The following GALNT2 variants were observed in gnomAD, a reference collection of about 807,000 sequenced individuals.
GALNT2 encodes the protein UDP-GalNAc:polypeptide N-acetylgalactosaminyltransferase 2.
Under a neutral mutation model 81.4 loss-of-function variants are expected in GALNT2, and 31 were observed. The ratio of observed to expected loss-of-function variants is 0.38; its 90% CI spans 0.29 to 0.51. The LOEUF (loss-of-function observed/expected upper bound fraction) is 0.51. Ranked by LOEUF, GALNT2 falls within the 20% of genes least tolerant of loss-of-function variation. The pLI is 0.87. For missense variants in GALNT2, 629 were observed against 765.7 expected (o/e 0.82, Z 2.11); for synonymous variants, 303 against 287.4 (o/e 1.05, Z -0.55).
intron 3 of GALNT2, among the ~76,000 whole-genome samples, chr1:230,215,364 C>T (rs1664358084): frequency 6.6e-6 from 1 of 152,248 alleles, no homozygotes; most frequent in Admixed American, 6.5e-5. Context: ...AGAATGTTGG[C>T]CTTCCTCTCT....
chr1:230,250,303 G>A (rs377139980), intron 9 of GALNT2, among the ~76,000 whole-genome samples, 154 bp from the exon 10 acceptor site: 4 of 152,342 alleles, frequency 2.6e-5, no homozygotes, highest in Admixed American at 1.3e-4. Flanking sequence ...AGAGTGGCAT[G>A]CTGGGCACTG....
chr1:230,233,639 A>AT (rs923773382), intron 3 of GALNT2, among the ~76,000 whole-genome samples: 43 of 151,682 alleles, frequency 2.8e-4, no homozygotes, highest in East Asian at 1.7e-3. Context: ...CTACAGAATA[A>AT]TTTTTTTTTA....
At chr1:230,087,589 A>G (rs1417320147) in intron 1 of GALNT2, among the ~76,000 whole-genome samples, 1 of 152,204 alleles carries the variant, frequency 6.6e-6, no homozygotes, top group Non-Finnish European at 1.5e-5. Context: ...TTCAGTCAGA[A>G]TGTCTGGCTG....
intron 1 of GALNT2, among the ~76,000 whole-genome samples, chr1:230,127,216 G>A (rs1168638882): frequency 6.6e-6 from 1 of 151,946 alleles, no homozygotes; most frequent in Non-Finnish European, 1.5e-5. Context: ...GCCTGCGCTG[G>A]TGCTGTGTGA....
intron 1 of GALNT2, among the ~76,000 whole-genome samples, chr1:230,144,221 A>G (rs529060422): frequency 6.6e-6 from 1 of 152,280 alleles, no homozygotes; most frequent in South Asian, 2.1e-4. Flanking sequence ...CTCTCCCTGT[A>G]TCTAGAGTGA....
chr1:230,165,622 T>A (rs1662578008), intron 1 of GALNT2, among the ~76,000 whole-genome samples: 1 of 152,248 alleles, frequency 6.6e-6, no homozygotes, highest in Non-Finnish European at 1.5e-5. Context: ...TAGTGAGACA[T>A]CTGCAGCCTG....
At chr1:230,235,169 A>C (rs1380501435) in intron 3 of GALNT2, among the ~76,000 whole-genome samples, 1 of 150,168 alleles carries the variant, frequency 6.7e-6, no homozygotes, top group Non-Finnish European at 1.5e-5. Context: ...AGCTATGAAC[A>C]TGCCACTGCA....
chr1:230,247,165 A>C (rs1665399134), intron 8 of GALNT2, among the ~76,000 whole-genome samples: 1 of 152,132 alleles, frequency 6.6e-6, no homozygotes, highest in Non-Finnish European at 1.5e-5. Flanking sequence ...CTGGGAGGTC[A>C]AGGCTGCAGT....
intron 9 of GALNT2, 126 bp from the exon 10 acceptor site, chr1:230,250,331 G>A: frequency 1.4e-6 from 1 of 712,204 alleles, no homozygotes. Flanking sequence ...AACAGTGGCA[G>A]TGTGGCTGTT....
chr1:230,128,825 TGTGGGGTGCCCC>T (rs1330643003), intron 1 of GALNT2, among the ~76,000 whole-genome samples: 2 of 152,172 alleles, frequency 1.3e-5, no homozygotes, highest in Non-Finnish European at 2.9e-5. Context: ...TCTTCCTATA[TGTGGGGTGCCCC>T]GAGCCCCATC....
At chr1:230,095,781 C>T (rs1660237722) in intron 1 of GALNT2, among the ~76,000 whole-genome samples, 3 of 152,194 alleles carry the variant, frequency 2.0e-5, no homozygotes, top group Admixed American at 2.0e-4. Context: ...ACCTGGGTCC[C>T]CTGGGGCCCA....
At chr1:230,142,150 C>T (rs760490417) in intron 1 of GALNT2, among the ~76,000 whole-genome samples, 1 of 152,044 alleles carries the variant, frequency 6.6e-6, no homozygotes, top group Non-Finnish European at 1.5e-5. Flanking sequence ...GGATTAGGAC[C>T]TCCTGTGGAG....
At chr1:230,136,607 A>G (rs953274593) in intron 1 of GALNT2, among the ~76,000 whole-genome samples, 7 of 151,790 alleles carry the variant, frequency 4.6e-5, no homozygotes, top group African/African-American at 1.5e-4. Context: ...CAGATCACAC[A>G]CTCCGCAGCG....
rs372846843 is a variant in GALNT2 at position 230,255,232 on chromosome 1, G to A, written c.1024G>A (p.Val342Met). The change falls in exon 11 of 16, where the codon GTG becomes ATG. Residue 342 changes from valine (V) to methionine (M), a missense_variant. Physicochemically the swap from Val to Met is conservative, Grantham distance 21 (BLOSUM62 1). Around this residue, in one of 3 missense-constraint regions of GALNT2, gnomAD observed 360 missense variants for 492.8 expected, o/e 0.73. Transcript: ENST00000366672. ...CATCGTCTCAGAGATCTCGTTCCGC[G>A]TGTGGCAGTGTGGTGGCAGCCTGGA... ...GGENLEISFRVWQCGGSLEII... is the reference protein window; with the variant it reads ...GGENLEISFRMWQCGGSLEII... 17 of 1,614,110 alleles carry A rather than the reference G, an allele frequency of 1.1e-5. No homozygotes were observed. Among genetic ancestry groups the A allele is most frequent in the East Asian group, 2.2e-5 (1 of 44,896 alleles).
chr1:230,068,655 TTTC>T (rs1659282180), intron 1 of GALNT2, among the ~76,000 whole-genome samples: 1 of 152,194 alleles, frequency 6.6e-6, no homozygotes, highest in African/African-American at 2.4e-5. Context: ...TCAGAGGTTT[TTTC>T]TTTGCTTCAT....
chr1:230,231,547 C>T (rs1174348762), intron 3 of GALNT2, among the ~76,000 whole-genome samples: 1 of 152,202 alleles, frequency 6.6e-6, no homozygotes, highest in Non-Finnish European at 1.5e-5. Flanking sequence ...TCATCAATGT[C>T]TTGATCAAGC....
At chr1:230,274,372 C>G in intron 14 of GALNT2, 73 bp from the exon 15 acceptor site, 1 of 1,560,988 alleles carries the variant, frequency 6.4e-7, no homozygotes, top group African/African-American at 1.4e-5. Flanking sequence ...TTTTTGAGCC[C>G]TCATCGATGC....
At chr1:230,143,792 C>T (rs1051404262) in intron 1 of GALNT2, among the ~76,000 whole-genome samples, 7 of 152,228 alleles carry the variant, frequency 4.6e-5, no homozygotes, top group Admixed American at 3.9e-4. Flanking sequence ...ACCAGATGCC[C>T]CCAGCTGTGA....
intron 8 of GALNT2, among the ~76,000 whole-genome samples, chr1:230,247,844 C>T (rs1446136993): frequency 1.3e-5 from 2 of 151,890 alleles, no homozygotes; most frequent in African/African-American, 4.8e-5. Flanking sequence ...TCTCTTTGGA[C>T]CAAATTAATA....
Sources: allele counts gnomAD v4.1 joint callset (sites outside exome capture counted in the v4.1 genomes callset), GRCh38; gene constraint gnomAD v4.1.1; regional missense constraint gnomAD v4.1.1; transcripts MANE v1.5; gene names NCBI Gene and HGNC (gene_info 2026-07-23, HGNC 2026-07-21).